Variants in ADAMTS17 observed in about 807,000 individuals in gnomAD.
ADAMTS17 encodes the protein A disintegrin and metalloproteinase with thrombospondin motifs 17.
A neutral mutation model predicts 141.5 loss-of-function variants in ADAMTS17; 113 were observed. That is an observed-to-expected ratio of 0.80 (90% CI 0.69 to 0.93). ADAMTS17 has a LOEUF of 0.93. ADAMTS17 is among the 40% of genes least tolerant of loss of function. ADAMTS17 has a pLI of 0.00. For synonymous variants in ADAMTS17, 768 were observed against 630.6 expected (o/e 1.22, Z -3.27); for missense variants, 1,659 against 1,517.9 (o/e 1.09, Z -1.54).
At chr15:100,264,976 C>G in intron 4 of ADAMTS17, among the ~76,000 whole-genome samples, 1 of 152,148 alleles carries the variant, frequency 6.6e-6, no homozygotes, top group East Asian at 1.9e-4. Context: ...TATTTTACTA[C>G]AATTAAAAGT....
intron 14 of ADAMTS17, among the ~76,000 whole-genome samples, chr15:100,104,750 C>T (rs998667599): frequency 6.6e-6 from 1 of 152,318 alleles, no homozygotes; most frequent in Non-Finnish European, 1.5e-5. Context: ...AGACTTTCCA[C>T]TCATTAGGCC....
chr15:100,032,732 G>C (rs2030302194), intron 18 of ADAMTS17, among the ~76,000 whole-genome samples: 1 of 152,206 alleles, frequency 6.6e-6, no homozygotes, highest in Admixed American at 6.5e-5. Context: ...ATTTAAAGGA[G>C]GAAAACATTG....
chr15:100,206,694 T>C (rs568479500), intron 7 of ADAMTS17, among the ~76,000 whole-genome samples: 3 of 152,230 alleles, frequency 2.0e-5, no homozygotes, highest in Non-Finnish European at 2.9e-5. Flanking sequence ...ATCTCCTCCA[T>C]GTGGGGAACG....
intron 7 of ADAMTS17, among the ~76,000 whole-genome samples, chr15:100,240,588 G>A (rs546396819): frequency 2.0e-5 from 3 of 152,254 alleles, no homozygotes; most frequent in Admixed American, 6.5e-5. Flanking sequence ...GGGCACCCGA[G>A]GAATCTACAT....
chr15:100,131,958 G>C, intron 12 of ADAMTS17, 49 bp downstream of exon 12: 1 of 1,613,182 alleles, frequency 6.2e-7, no homozygotes, highest in Non-Finnish European at 8.5e-7. Flanking sequence ...GCTGCTGTTG[G>C]GAAACTCCAA....
At chr15:100,036,344 G>A (rs933294175) in intron 18 of ADAMTS17, among the ~76,000 whole-genome samples, 19 of 152,242 alleles carry the variant, frequency 1.2e-4, no homozygotes, top group Admixed American at 1.1e-3. Flanking sequence ...AAAGGACAGA[G>A]GAAGGGGTGA....
At chr15:100,003,940 G>A (rs11630930) in intron 18 of ADAMTS17, among the ~76,000 whole-genome samples, 2 of 150,926 alleles carry the variant, frequency 1.3e-5, no homozygotes, top group Non-Finnish European at 2.9e-5. Context: ...GTGTTTGGAT[G>A]GTGGTGATGG....
At chr15:100,273,494 A>G (rs1020839280) in intron 4 of ADAMTS17, among the ~76,000 whole-genome samples, 1 of 152,120 alleles carries the variant, frequency 6.6e-6, no homozygotes, top group African/African-American at 2.4e-5. Flanking sequence ...GCAATGGTCC[A>G]TAGTACTCTC....
chr15:100,292,407 TC>T, intron 3 of ADAMTS17, among the ~76,000 whole-genome samples: 1 of 149,972 alleles, frequency 6.7e-6, no homozygotes, highest in Non-Finnish European at 1.5e-5. Context: ...CGAGAGACAC[TC>T]ACCCCGTTAG....
intron 18 of ADAMTS17, among the ~76,000 whole-genome samples, chr15:100,027,702 A>G (rs566647390): frequency 6.6e-6 from 1 of 152,350 alleles, no homozygotes; most frequent in South Asian, 2.1e-4. Context: ...CTGCTCCGGT[A>G]AATTCCTCAA....
chr15:100,256,370 C>T (rs1367388559), intron 6 of ADAMTS17: 4 of 152,326 alleles, frequency 2.6e-5, no homozygotes, highest in African/African-American at 7.2e-5. Flanking sequence ...GCATGGGGCA[C>T]CACAAGTTAC....
At chr15:100,191,994 C>T (rs552770149) in intron 8 of ADAMTS17, among the ~76,000 whole-genome samples, 4 of 152,286 alleles carry the variant, frequency 2.6e-5, no homozygotes, top group Non-Finnish European at 5.9e-5. Flanking sequence ...CAAAGTATCT[C>T]ATGTAACCTA....
intron 15 of ADAMTS17, among the ~76,000 whole-genome samples, chr15:100,090,855 A>C (rs1200260464): frequency 8.1e-6 from 1 of 123,366 alleles, no homozygotes; most frequent in Non-Finnish European, 2.0e-5. Context: ...AATAATACAA[A>C]AAATTAGCCA....
At chr15:100,150,938 C>A (rs562272815) in intron 10 of ADAMTS17, among the ~76,000 whole-genome samples, 1 of 152,250 alleles carries the variant, frequency 6.6e-6, no homozygotes, top group African/African-American at 2.4e-5. Flanking sequence ...CGGTGCCATC[C>A]GTGCACTGCA....
At chr15:100,171,650 C>G (rs1315371216) in intron 8 of ADAMTS17, among the ~76,000 whole-genome samples, 1 of 152,172 alleles carries the variant, frequency 6.6e-6, no homozygotes, top group Non-Finnish European at 1.5e-5. Context: ...CAGCTGAGCT[C>G]CTGAGCACCC....
intron 3 of ADAMTS17, among the ~76,000 whole-genome samples, chr15:100,328,799 TATCTC>T (rs1353231133): frequency 1.3e-5 from 2 of 152,162 alleles, no homozygotes; most frequent in African/African-American, 4.8e-5. Context: ...AACATCCCAT[TATCTC>T]ATCTACAAGC....
intron 7 of ADAMTS17, among the ~76,000 whole-genome samples, chr15:100,207,267 C>G (rs139071201): frequency 6.6e-6 from 1 of 152,304 alleles, no homozygotes; most frequent in Non-Finnish European, 1.5e-5. Flanking sequence ...AGTGAGAAGG[C>G]AGCTGTCGAC....
chr15:99,982,568 G>A (rs947318240), intron 20 of ADAMTS17, among the ~76,000 whole-genome samples: 2 of 152,218 alleles, frequency 1.3e-5, no homozygotes, highest in African/African-American at 2.4e-5. Context: ...GAACAGTGAG[G>A]AGACTGTAGT....
chr15:100,179,212 T>C (rs543078521), intron 8 of ADAMTS17, among the ~76,000 whole-genome samples: 1 of 152,322 alleles, frequency 6.6e-6, no homozygotes, highest in African/African-American at 2.4e-5. Context: ...CTATCTTCAC[T>C]TCCCTGCCAG....
Sources: gnomAD v4.1 joint callset for allele counts (sites outside exome capture counted in the v4.1 genomes callset) on GRCh38, gnomAD v4.1.1 for gene constraint, MANE v1.5 for transcripts, NCBI Gene and HGNC (gene_info 2026-07-23, HGNC 2026-07-21) for gene names.